Variants in CPM observed in about 807,000 individuals in gnomAD.
The protein encoded by CPM is renal carboxypeptidase.
In CPM, 35 loss-of-function variants were observed where a neutral mutation model predicts 46.4. The ratio of observed to expected loss-of-function variants is 0.75; its 90% confidence interval spans 0.58 to 1.00. The LOEUF is 1.00. Ranked by LOEUF, CPM falls within the 50% of genes least tolerant of loss-of-function variation. The pLI is 0.00. For synonymous variants in CPM, 195 were observed against 195.3 expected, an observed-to-expected ratio of 1.00 and a Z score of 0.01; for missense variants, 422 against 530.4, an observed-to-expected ratio of 0.80 and a Z score of 2.01.
chr12:68,945,279 A>G (rs1224252221), intron 1 of CPM, among the ~76,000 whole-genome samples: 1 of 152,198 alleles, frequency 6.6e-6, no homozygotes, highest in African/African-American at 2.4e-5. Flanking sequence ...ACTATAAACT[A>G]AATCCCTCCC....
rs1884727868 is a variant in CPM at position 68,852,231 on chromosome 12, C to G, written c.*4206G>C. 6.6e-6 allele frequency: 1 copy of G among 152,242 alleles called. No individual in the cohort carries two copies. Among genetic ancestry groups the G allele is most frequent in the Non-Finnish European group, 1.5e-5 (1 of 68,036 alleles). The allele number at this position is 152,242 out of a possible 1,614,324, so 9.4% of individuals were successfully genotyped here. On this transcript the variant is annotated 3_prime_UTR_variant, in exon 9 of 9. Transcript: ENST00000551568. ...TCTGAATGTAATTAAGCATCCAAAT[C>G]AACACTGTCATTTATCTGCAGGGAC...
intron 1 of CPM, among the ~76,000 whole-genome samples, chr12:68,945,335 C>G (rs1888829264): frequency 6.6e-6 from 1 of 152,206 alleles, no homozygotes; most frequent in African/African-American, 2.4e-5. Context: ...GACAGCCAGC[C>G]TGTGAGACTA....
chr12:68,904,395 T>C (rs964471468), intron 2 of CPM, among the ~76,000 whole-genome samples: 5 of 152,204 alleles, frequency 3.3e-5, no homozygotes, highest in Non-Finnish European at 5.9e-5. Flanking sequence ...GGCCAGTCCT[T>C]TCTGATAATG....
At chr12:68,894,280 GT>G (rs1231032697) in intron 2 of CPM, among the ~76,000 whole-genome samples, 1 of 152,208 alleles carries the variant, frequency 6.6e-6, no homozygotes, top group Non-Finnish European at 1.5e-5. Context: ...TGCTGGTTTT[GT>G]TCACTGCTAA....
chr12:68,897,715 T>C (rs145313844), intron 2 of CPM, among the ~76,000 whole-genome samples: 1,552 of 130,174 alleles, frequency 0.012, 30 homozygotes, highest in African/African-American at 0.043. Context: ...CCAGTCTGGG[T>C]GACAGAGCGA....
At chr12:68,955,508 G>A (rs928412162) in intron 1 of CPM, among the ~76,000 whole-genome samples, 1 of 151,894 alleles carries the variant, frequency 6.6e-6, no homozygotes. Context: ...TGGGGGTGGG[G>A]GGGGCATGTT....
At chr12:68,895,289 T>C (rs527438141) in intron 2 of CPM, among the ~76,000 whole-genome samples, 3 of 152,238 alleles carry the variant, frequency 2.0e-5, no homozygotes, top group South Asian at 4.2e-4. Flanking sequence ...AATGTACCAC[T>C]TCTGGGCAGA....
In CPM at chr12:68,853,640, G is replaced by A. The variant is rs1369163662; in HGVS notation, c.*2797C>T. 2.0e-5 allele frequency: 3 copies of A among 152,014 alleles called. No individual in the cohort carries two copies. Among genetic ancestry groups the A allele is most frequent in the Non-Finnish European group, 4.4e-5 (3 of 68,016 alleles). 9.4% of individuals were successfully genotyped at this position (152,014 alleles called of 1,614,324 possible). The stretch of plus-strand genomic sequence containing the variant: ...ACTTTCAATTGAAAGTAATAACCAA[G>A]GCAACTCACTTTCCATGAGTAATAC... On this transcript the variant is annotated 3_prime_UTR_variant, in exon 9 of 9. Coordinates refer to ENST00000551568, the MANE Select transcript of CPM (RefSeq NM_198320.5).
intron 6 of CPM, among the ~76,000 whole-genome samples, chr12:68,867,569 C>G (rs2136227341): frequency 6.6e-6 from 1 of 152,238 alleles, no homozygotes; most frequent in South Asian, 2.1e-4. Context: ...CAGCAATTGC[C>G]CCTACTTTAC....
intron 3 of CPM, among the ~76,000 whole-genome samples, chr12:68,877,679 G>A (rs1207278124): frequency 3.3e-5 from 5 of 150,950 alleles, no homozygotes; most frequent in African/African-American, 9.9e-5. Flanking sequence ...ACCACAGAGC[G>A]TTACTGAGGA....
intron 1 of CPM, among the ~76,000 whole-genome samples, chr12:68,950,231 A>G (rs1888912850): frequency 6.6e-6 from 1 of 152,232 alleles, no homozygotes. Context: ...ATAAAGTAGC[A>G]TTGATGCTTC....
chr12:68,928,943 C>T (rs1024461068), intron 2 of CPM, among the ~76,000 whole-genome samples: 1 of 150,668 alleles, frequency 6.6e-6, no homozygotes, highest in Non-Finnish European at 1.5e-5. Flanking sequence ...AATGGAGTCT[C>T]CCATGTTGCC....
chr12:68,917,212 A>C (rs1334450981), intron 2 of CPM, among the ~76,000 whole-genome samples: 1 of 70,566 alleles, frequency 1.4e-5, no homozygotes, highest in Non-Finnish European at 2.7e-5. Flanking sequence ...TTCCCTTTTC[A>C]CCTGGCTGAT....
intron 3 of CPM, among the ~76,000 whole-genome samples, chr12:68,876,200 AAATCAC>A (rs1438152693): frequency 6.6e-6 from 1 of 152,248 alleles, no homozygotes; most frequent in Non-Finnish European, 1.5e-5. Context: ...AGTCCACAAC[AAATCAC>A]AAGTTCTCAA....
At chr12:68,949,509 C>A (rs1888902151) in intron 1 of CPM, among the ~76,000 whole-genome samples, 1 of 152,218 alleles carries the variant, frequency 6.6e-6, no homozygotes, top group Admixed American at 6.5e-5. Flanking sequence ...TCATCCTCTT[C>A]CTGGCATTAA....
intron 3 of CPM, among the ~76,000 whole-genome samples, chr12:68,880,760 G>A (rs1413573215): frequency 1.3e-5 from 2 of 152,146 alleles, no homozygotes; most frequent in African/African-American, 2.4e-5. Flanking sequence ...CCAAAGAAAC[G>A]AGGCCTAAAA....
chr12:68,899,350 G>A (rs1565787125), intron 2 of CPM, among the ~76,000 whole-genome samples: 4 of 152,224 alleles, frequency 2.6e-5, no homozygotes, highest in Non-Finnish European at 4.4e-5. Flanking sequence ...CTGGGAAGCC[G>A]CATGTTGCCA....
intron 7 of CPM, among the ~76,000 whole-genome samples, chr12:68,866,248 C>CA (rs1424828593): frequency 6.6e-6 from 1 of 152,182 alleles, no homozygotes; most frequent in African/African-American, 2.4e-5. Context: ...GATGATGTAA[C>CA]AGAGTAGCAG....
rs1242153154 is a variant in CPM, at chr12:68,853,479, AT to A, written c.*2957del. ...GTTTAAATAAGCCTCCAATTTGTTT[AT>A]ATTTATTAACATGTATGATTTTGTG... is the stretch of plus-strand genomic sequence containing the variant. On this transcript the variant is annotated 3_prime_UTR_variant, in exon 9 of 9. Transcript: ENST00000551568. 6.6e-6 allele frequency: 1 copy of A among 152,174 alleles called. No individual in the cohort carries two copies. Among genetic ancestry groups the A allele is most frequent in the Non-Finnish European group, 1.5e-5 (1 of 68,036 alleles). 9.4% of individuals were successfully genotyped at this position (152,174 alleles called of 1,614,324 possible). A position where few individuals can be genotyped will look rare whatever the true frequency, so the allele number is the denominator to read the frequency against.
Sources: allele counts gnomAD v4.1 joint callset (sites outside exome capture counted in the v4.1 genomes callset), GRCh38; gene constraint gnomAD v4.1.1; transcripts MANE v1.5; gene names NCBI Gene and HGNC (gene_info 2026-07-23, HGNC 2026-07-21).